The following SLX4IP variants were observed in gnomAD, a reference collection of about 807,000 sequenced individuals.
The protein encoded by SLX4IP is protein SLX4IP.
SLX4IP carries 34 observed loss-of-function variants against 32.9 expected under a neutral mutation model. That is an observed-to-expected ratio of 1.03 (90% CI 0.79 to 1.38). The LOEUF (loss-of-function observed/expected upper bound fraction) is 1.38. Among genes scored for constraint, SLX4IP ranks in the 40% most tolerant of loss-of-function variants. SLX4IP has a pLI of 0.00. For missense variants in SLX4IP, 444 were observed against 479.0 expected, an observed-to-expected ratio of 0.93 and a Z score of 0.68; for synonymous variants, 172 against 171.7, an observed-to-expected ratio of 1.00 and a Z score of -0.01.
At chr20:10,470,398 A>G (rs2065414857) in intron 2 of SLX4IP, among the ~76,000 whole-genome samples, 1 of 152,166 alleles carries the variant, frequency 6.6e-6, no homozygotes, top group Non-Finnish European at 1.5e-5. Flanking sequence ...GTAACGATGC[A>G]TAGTGTTTGC....
At chr20:10,470,863 A>T (rs952954488) in intron 2 of SLX4IP, among the ~76,000 whole-genome samples, 4 of 152,200 alleles carry the variant, frequency 2.6e-5, no homozygotes, top group Admixed American at 6.5e-5. Context: ...TAGATCATCA[A>T]GTCTTTGAGG....
rs57942782 is a variant in SLX4IP at position 10,512,778 on chromosome 20, CTATATATATATATATATA to C, written c.28-43426_28-43409del. 2.5e-3 allele frequency among the ~76,000 whole-genome samples: 63 copies of C among 25,650 alleles called. 1 individual carries two copies. Among genetic ancestry groups the C allele is most frequent in the African/African-American group, 8.4e-3 (53 of 6,338 alleles). The allele number at this position is 25,650 out of a possible 152,430, so 16.8% of individuals were successfully genotyped here. On this transcript the variant is annotated intron_variant, in intron 2 of 7. Coordinates refer to ENST00000334534, the MANE Select transcript of SLX4IP (RefSeq NM_001009608.3). Reference sequence around the variant, plus strand: ...ATGTATATATATACACACACACACTCTATATATATATATATATATATATATATATATATATATATATAT... The same window carrying C: ...ATGTATATATATACACACACACACTCTATATATATATATATATATATATAT...
chr20:10,587,407 A>G (rs1329914029), intron 4 of SLX4IP, among the ~76,000 whole-genome samples: 1 of 152,178 alleles, frequency 6.6e-6, no homozygotes, highest in Non-Finnish European at 1.5e-5. Flanking sequence ...GCTTTATAAT[A>G]AGGAGCACCA....
At chr20:10,553,978 A>C (rs970694757) in intron 2 of SLX4IP, among the ~76,000 whole-genome samples, 1 of 152,236 alleles carries the variant, frequency 6.6e-6, no homozygotes, top group Non-Finnish European at 1.5e-5. Context: ...TGCATTTTAC[A>C]CAGTGTTTAA....
intron 2 of SLX4IP, among the ~76,000 whole-genome samples, chr20:10,481,936 C>A (rs1180665700): frequency 1.3e-5 from 2 of 152,206 alleles, no homozygotes; most frequent in East Asian, 1.9e-4. Flanking sequence ...AGGCAACTCA[C>A]AACATGCGGC....
chr20:10,556,342 T>C (rs754526150), intron 3 of SLX4IP, 22 bp downstream of exon 3: 2 of 1,600,328 alleles, frequency 1.2e-6, no homozygotes, highest in South Asian at 1.1e-5. Flanking sequence ...CTTTCTACTA[T>C]TTAATTGCAA....
chr20:10,470,001 G>A (rs967815786), intron 2 of SLX4IP, among the ~76,000 whole-genome samples: 1 of 152,208 alleles, frequency 6.6e-6, no homozygotes, highest in Non-Finnish European at 1.5e-5. Context: ...CATTCTCAGA[G>A]TGACACAAGA....
intron 6 of SLX4IP, among the ~76,000 whole-genome samples, chr20:10,614,955 A>G (rs1052990663): frequency 2.6e-5 from 4 of 152,216 alleles, no homozygotes; most frequent in African/African-American, 9.6e-5. Context: ...TTGCAGACTT[A>G]GTATATAAAA....
intron 1 of SLX4IP, among the ~76,000 whole-genome samples, chr20:10,455,578 C>CTTTT (rs1285273277): frequency 6.9e-5 from 8 of 116,732 alleles, no homozygotes; most frequent in East Asian, 3.4e-4. Context: ...ACCTGTATGT[C>CTTTT]TTTTATTTAT....
chr20:10,493,959 A>C (rs890822253), intron 2 of SLX4IP, among the ~76,000 whole-genome samples: 1 of 144,780 alleles, frequency 6.9e-6, no homozygotes, highest in African/African-American at 2.6e-5. Context: ...TGGCCTCCCA[A>C]AGTTCTGGGA....
intron 2 of SLX4IP, among the ~76,000 whole-genome samples, chr20:10,504,725 G>C (rs1467326830): frequency 6.6e-6 from 1 of 152,168 alleles, no homozygotes; most frequent in Non-Finnish European, 1.5e-5. Flanking sequence ...GATGGGCCAT[G>C]GTGGAGGAAG....
chr20:10,623,383 C>G lies in SLX4IP; in HGVS notation c.*4C>G, dbSNP rs767073657. On this transcript the variant is annotated 3_prime_UTR_variant, in exon 8 of 8. Coordinates refer to ENST00000334534, the MANE Select transcript of SLX4IP (RefSeq NM_001009608.3). ...GAAATACGAAAGAGGCCATTAACAC[C>G]GAAGAGGTTTGTACCGTTGGAGTTG... The G allele has an allele frequency of 6.2e-7, 1 of 1,606,568 alleles. No individual in the cohort carries two copies. The highest frequency in any genetic ancestry group is 8.5e-7 in the Non-Finnish European group (1 of 1,176,870).
chr20:10,439,711 T>G (rs759603379), intron 1 of SLX4IP, among the ~76,000 whole-genome samples: 2 of 152,254 alleles, frequency 1.3e-5, no homozygotes, highest in Non-Finnish European at 2.9e-5. Flanking sequence ...GATTGTTAGT[T>G]CTTGACATGT....
chr20:10,616,403 T>TG (rs755350442), intron 6 of SLX4IP, among the ~76,000 whole-genome samples: 1 of 98,880 alleles, frequency 1.0e-5, no homozygotes, highest in Non-Finnish European at 2.5e-5. Context: ...AATAAATAAA[T>TG]AAATAAATAA....
chr20:10,442,797 G>T (rs1279355880), intron 1 of SLX4IP, among the ~76,000 whole-genome samples: 1 of 152,222 alleles, frequency 6.6e-6, no homozygotes, highest in Admixed American at 6.5e-5. Context: ...TTGTGTGCGT[G>T]TGTGCACACT....
chr20:10,454,301 T>C, intron 1 of SLX4IP, among the ~76,000 whole-genome samples: 1 of 152,174 alleles, frequency 6.6e-6, no homozygotes, highest in South Asian at 2.1e-4. Context: ...AACCCCTATG[T>C]CAGTATTTTT....
intron 2 of SLX4IP, among the ~76,000 whole-genome samples, chr20:10,462,504 C>G (rs2065346476): frequency 6.6e-6 from 1 of 152,348 alleles, no homozygotes; most frequent in Middle Eastern, 3.4e-3. Context: ...GACAGTAGAA[C>G]AATACCTTTA....
chr20:10,474,111 C>T (rs755100027), intron 2 of SLX4IP, among the ~76,000 whole-genome samples: 11 of 152,152 alleles, frequency 7.2e-5, no homozygotes, highest in Admixed American at 1.3e-4. Flanking sequence ...GCGTGAGCCA[C>T]GGTGCTCGGC....
At chr20:10,503,148 G>A (rs2065733170) in intron 2 of SLX4IP, among the ~76,000 whole-genome samples, 1 of 152,132 alleles carries the variant, frequency 6.6e-6, no homozygotes, top group African/African-American at 2.4e-5. Flanking sequence ...CCTTATATCA[G>A]CAGGGTTCAC....
Sources: allele counts gnomAD v4.1 joint callset (sites outside exome capture counted in the v4.1 genomes callset), GRCh38; gene constraint gnomAD v4.1.1; transcripts MANE v1.5; gene names NCBI Gene and HGNC (gene_info 2026-07-23, HGNC 2026-07-21).